Variants in NALCN observed in about 807,000 individuals in gnomAD.
NALCN encodes the protein sodium leak channel, non-selective, also known as sodium leak channel NALCN.
NALCN carries 111 observed loss-of-function variants against 225.3 expected under a neutral mutation model. The observed-to-expected ratio is 0.49, with a 90% confidence interval of 0.42 to 0.58. NALCN has a LOEUF of 0.58. Ranked by LOEUF, NALCN falls within the 20% of genes least tolerant of loss-of-function variation. The probability of loss-of-function intolerance (pLI) is 0.00; values close to 1 mark genes in which losing one functional copy is unlikely to be tolerated. For synonymous variants in NALCN, 764 were observed against 769.0 expected, an observed-to-expected ratio of 0.99 and a Z score of 0.11; for missense variants, 1,378 against 2,202.4, an observed-to-expected ratio of 0.63 and a Z score of 7.49.
intron 14 of NALCN, among the ~76,000 whole-genome samples, chr13:101,178,270 C>T (rs1419594152): frequency 6.6e-6 from 1 of 152,158 alleles, no homozygotes; most frequent in Non-Finnish European, 1.5e-5. Context: ...TTCTCTCACA[C>T]CTGGGCACTG....
At chr13:101,056,912 T>C (rs1391782619) in intron 43 of NALCN, 2 of 152,200 alleles carry the variant, frequency 1.3e-5, no homozygotes, top group Non-Finnish European at 2.9e-5. Context: ...CCATCTACGT[T>C]GTCTTGATGC....
chr13:101,129,493 TC>T (rs2036407032), intron 17 of NALCN, among the ~76,000 whole-genome samples: 1 of 152,176 alleles, frequency 6.6e-6, no homozygotes. Flanking sequence ...GCTTCCTTGT[TC>T]CTAGTATGAC....
At chr13:101,395,096 A>G (rs2047250423) in intron 3 of NALCN, 87 bp downstream of exon 3, 1 of 1,311,082 alleles carries the variant, frequency 7.6e-7, no homozygotes, top group East Asian at 2.5e-5. Flanking sequence ...GTTTTGTTTT[A>G]CTGAAATGAA....
chr13:101,411,067 T>C (rs956564459), intron 1 of NALCN, among the ~76,000 whole-genome samples: 3 of 152,194 alleles, frequency 2.0e-5, no homozygotes, highest in African/African-American at 7.2e-5. Context: ...GGCATTCTAA[T>C]TTACCTTAAA....
intron 3 of NALCN, among the ~76,000 whole-genome samples, chr13:101,386,934 C>G (rs1437953214): frequency 6.6e-6 from 1 of 152,126 alleles, no homozygotes; most frequent in Non-Finnish European, 1.5e-5. Context: ...TAAAAAATAA[C>G]AGGTTGGCCA....
chr13:101,111,062 AC>A (rs1243578402), intron 19 of NALCN, 62 bp downstream of exon 19: 8 of 1,522,092 alleles, frequency 5.3e-6, no homozygotes, highest in Non-Finnish European at 7.2e-6. Flanking sequence ...GTGTACAGCG[AC>A]CATTTCCTGT....
chr13:101,173,987 A>T (rs1566381848), intron 15 of NALCN, among the ~76,000 whole-genome samples: 1 of 152,194 alleles, frequency 6.6e-6, no homozygotes, highest in Non-Finnish European at 1.5e-5. Context: ...AAAGGCCAAG[A>T]TCACTGAAAA....
At chr13:101,333,892 G>C (rs778096580) in intron 7 of NALCN, among the ~76,000 whole-genome samples, 2 of 152,166 alleles carry the variant, frequency 1.3e-5, no homozygotes, top group Non-Finnish European at 2.9e-5. Flanking sequence ...TGGCTTAACA[G>C]AGAAGTCATA....
chr13:101,218,026 C>T (rs1003179988), intron 13 of NALCN, among the ~76,000 whole-genome samples: 1 of 152,118 alleles, frequency 6.6e-6, no homozygotes, highest in African/African-American at 2.4e-5. Context: ...CTACTCCTTC[C>T]CATGTGATTA....
At position 101,143,035 on chromosome 13, in the gene NALCN, T is replaced by C. The variant is rs557847093; in HGVS notation, c.2118+45A>G. 1.4e-4 allele frequency: 230 copies of C among 1,613,004 alleles called. 1 individual carries two copies. The highest frequency in any genetic ancestry group is 1.2e-3 in the South Asian group (109 of 91,012). ...AACTCTGCGGTTCTTTTCTCAAACA[T>C]AGATGCTTTTTAGAAGCCTGGTTAT... On this transcript the variant is annotated intron_variant, in intron 17 of 43. Transcript: ENST00000251127.
At chr13:101,250,285 G>T (rs2042022580) in intron 11 of NALCN, among the ~76,000 whole-genome samples, 1 of 151,992 alleles carries the variant, frequency 6.6e-6, no homozygotes, top group African/African-American at 2.4e-5. Context: ...TTTTCATAAT[G>T]TAGAGCAAGA....
intron 22 of NALCN, among the ~76,000 whole-genome samples, chr13:101,105,808 T>C (rs2139621523): frequency 6.6e-6 from 1 of 152,290 alleles, no homozygotes; most frequent in South Asian, 2.1e-4. Context: ...GAGAGCCAGG[T>C]AGTAGCTGGG....
chr13:101,390,967 A>G lies in NALCN; in HGVS notation c.291+4216T>C, dbSNP rs549062729. 2.6e-4 allele frequency among the ~76,000 whole-genome samples: 39 copies of G among 152,172 alleles called. 2 individuals carry two copies. Among genetic ancestry groups the G allele is most frequent in the East Asian group, 2.3e-3 (12 of 5,176 alleles). Reference sequence around the variant, plus strand: ...GGAAATATACCTAATGTAAATGACAAGTTAATGGGTGCAGCACACCAACAT... The same window carrying G: ...GGAAATATACCTAATGTAAATGACAGGTTAATGGGTGCAGCACACCAACAT... On this transcript the variant is annotated intron_variant, in intron 3 of 43. Transcript: ENST00000251127.
chr13:101,103,482 C>T, intron 25 of NALCN, 143 bp from the exon 26 acceptor site: 1 of 976,034 alleles, frequency 1.0e-6, no homozygotes, highest in East Asian at 2.6e-5. Flanking sequence ...CTTTAAACAA[C>T]AAACCTCATC....
At chr13:101,123,877 T>C (rs1295786186) in intron 18 of NALCN, among the ~76,000 whole-genome samples, 2 of 152,216 alleles carry the variant, frequency 1.3e-5, no homozygotes, top group African/African-American at 2.4e-5. Flanking sequence ...GAACTCCTTA[T>C]CACTCACCGC....
chr13:101,311,450 G>C (rs1463905042), intron 7 of NALCN, among the ~76,000 whole-genome samples: 2 of 125,240 alleles, frequency 1.6e-5, no homozygotes, highest in South Asian at 5.0e-4. Context: ...GTTTTCAAAG[G>C]GAATGCTTCC....
intron 37 of NALCN, among the ~76,000 whole-genome samples, chr13:101,070,061 A>ATTTTTTTTT (rs1377492353): frequency 2.1e-4 from 4 of 19,254 alleles, no homozygotes; most frequent in African/African-American, 7.7e-4. Flanking sequence ...TGAATCATGA[A>ATTTTTTTTT]TGTTTTTTTT....
chr13:101,395,855 A>T (rs890767976), intron 2 of NALCN, among the ~76,000 whole-genome samples: 19 of 152,200 alleles, frequency 1.2e-4, no homozygotes, highest in Admixed American at 1.2e-3. Flanking sequence ...AGCATCTAGC[A>T]CAAGGGCCTA....
chr13:101,202,257 T>C (rs2040151404), intron 13 of NALCN, among the ~76,000 whole-genome samples: 1 of 152,218 alleles, frequency 6.6e-6, no homozygotes, highest in African/African-American at 2.4e-5. Flanking sequence ...CTAAAAAGTA[T>C]ATTGGTTGGC....
Sources: gnomAD v4.1 joint callset for allele counts (sites outside exome capture counted in the v4.1 genomes callset) on GRCh38, gnomAD v4.1.1 for gene constraint, MANE v1.5 for transcripts, NCBI Gene and HGNC (gene_info 2026-07-23, HGNC 2026-07-21) for gene names.